TMEM132C: variants seen among roughly 807,000 people sequenced by gnomAD.
TMEM132C encodes the protein protein phosphatase 1, regulatory subunit 152.
In TMEM132C, 29 loss-of-function variants were observed where a neutral mutation model predicts 61.4. The observed-to-expected ratio is 0.47, with a 90% CI of 0.35 to 0.64. The LOEUF (loss-of-function observed/expected upper bound fraction) is 0.64, where lower values mean the gene tolerates loss of function less well. TMEM132C is among the 30% of genes least tolerant of loss of function. The pLI is 0.00. For synonymous variants in TMEM132C, 656 were observed against 633.1 expected (o/e 1.04, Z -0.54); for missense variants, 1,408 against 1,476.9 (o/e 0.95, Z 0.76).
At chr12:128,314,104 G>C (rs1265977163) in intron 1 of TMEM132C, among the ~76,000 whole-genome samples, 1 of 152,098 alleles carries the variant, frequency 6.6e-6, no homozygotes, top group Admixed American at 6.5e-5. Context: ...ATAGCTCTTG[G>C]CACAAAAGCA....
chr12:128,508,298 C>T lies in TMEM132C; in HGVS notation c.975-35659C>T, dbSNP rs181668945. ...GAAACCGCCTCCGTGATTCAGTTAT[C>T]GCCCACTGGGTCTCTCCCACAACAC... On this transcript the variant is annotated intron_variant, in intron 2 of 8. Coordinates refer to ENST00000435159, the MANE Select transcript of TMEM132C (RefSeq NM_001136103.3). Among the ~76,000 whole-genome samples the T allele has an allele frequency of 2.2e-4, 34 of 152,298 alleles. No homozygotes were observed. The East Asian group carries it at 3.1e-3, about 14-fold the overall frequency.
chr12:128,363,716 A>T (rs1007129075), intron 1 of TMEM132C, among the ~76,000 whole-genome samples: 17 of 152,150 alleles, frequency 1.1e-4, no homozygotes, highest in South Asian at 2.1e-4. Context: ...GTGGTGGCAC[A>T]TGCCTGTAGT....
At chr12:128,566,944 T>C (rs1351915961) in intron 3 of TMEM132C, among the ~76,000 whole-genome samples, 2 of 152,240 alleles carry the variant, frequency 1.3e-5, no homozygotes, top group East Asian at 3.8e-4. Context: ...CTGGGAAACA[T>C]GAAGCATTAT....
intron 1 of TMEM132C, among the ~76,000 whole-genome samples, chr12:128,271,998 T>A (rs1240697628): frequency 6.6e-6 from 1 of 152,242 alleles, no homozygotes; most frequent in Non-Finnish European, 1.5e-5. Flanking sequence ...CGATAGAACA[T>A]TTTTACAGCC....
At chr12:128,533,925 C>T (rs1366149010) in intron 2 of TMEM132C, among the ~76,000 whole-genome samples, 1 of 150,084 alleles carries the variant, frequency 6.7e-6, no homozygotes, top group African/African-American at 2.5e-5. Flanking sequence ...TACACACACA[C>T]ATGCTCCTCA....
intron 1 of TMEM132C, among the ~76,000 whole-genome samples, chr12:128,358,975 A>G (rs1873607857): frequency 6.6e-6 from 1 of 152,184 alleles, no homozygotes; most frequent in African/African-American, 2.4e-5. Context: ...GCCAGAGGCC[A>G]TGCTAGACAC....
chr12:128,350,359 G>A (rs1873300283), intron 1 of TMEM132C, among the ~76,000 whole-genome samples: 1 of 152,086 alleles, frequency 6.6e-6, no homozygotes. Flanking sequence ...AGGGCTAGGG[G>A]GCAAAGCAAT....
intron 2 of TMEM132C, among the ~76,000 whole-genome samples, chr12:128,479,420 G>A (rs1871253935): frequency 6.6e-6 from 1 of 152,244 alleles, no homozygotes; most frequent in Non-Finnish European, 1.5e-5. Context: ...GGTCTGGCAA[G>A]TCAGCTGCTT....
chr12:128,357,692 C>CAA lies in TMEM132C; in HGVS notation c.86-57023_86-57022dup, dbSNP rs751246246. Among the ~76,000 whole-genome samples, 210 of 71,246 alleles carry CAA rather than the reference C, an allele frequency of 2.9e-3. 2 individuals carry two copies. In the East Asian group the frequency reaches 0.064, roughly 22 times the overall value. The allele number at this position is 71,246 out of a possible 152,430, so 46.7% of individuals were successfully genotyped here. Reference sequence around the variant, plus strand: ...CCTGGGCAACAGTGAGACTCCGTCTCAAAAAAAAAAAAAAAAAAGAAAAAG... The same window carrying CAA: ...CCTGGGCAACAGTGAGACTCCGTCTCAAAAAAAAAAAAAAAAAAAAGAAAAAG... On this transcript the variant is annotated intron_variant, in intron 1 of 8. Coordinates refer to ENST00000435159, the MANE Select transcript of TMEM132C (RefSeq NM_001136103.3).
intron 4 of TMEM132C, among the ~76,000 whole-genome samples, chr12:128,637,630 G>A (rs1954114038): frequency 6.6e-6 from 1 of 152,126 alleles, no homozygotes; most frequent in African/African-American, 2.4e-5. Context: ...CCTGGAACTC[G>A]TGGGCTCCAG....
At chr12:128,349,561 C>T (rs1436328351) in intron 1 of TMEM132C, among the ~76,000 whole-genome samples, 1 of 152,190 alleles carries the variant, frequency 6.6e-6, no homozygotes, top group African/African-American at 2.4e-5. Context: ...TTCATACATA[C>T]ACTCCTTCTA....
intron 2 of TMEM132C, among the ~76,000 whole-genome samples, chr12:128,478,347 A>G (rs984400579): frequency 6.6e-6 from 1 of 152,190 alleles, no homozygotes; most frequent in Admixed American, 6.5e-5. Context: ...CAAAATAATC[A>G]TTGTGGCAAA....
intron 2 of TMEM132C, among the ~76,000 whole-genome samples, chr12:128,495,449 C>G (rs1253565518): frequency 1.3e-5 from 2 of 152,096 alleles, no homozygotes; most frequent in Non-Finnish European, 2.9e-5. Flanking sequence ...TGAAGTCTCT[C>G]ATTATTATTG....
At chr12:128,355,041 A>T (rs1417592645) in intron 1 of TMEM132C, among the ~76,000 whole-genome samples, 2 of 152,236 alleles carry the variant, frequency 1.3e-5, no homozygotes, top group African/African-American at 2.4e-5. Flanking sequence ...GGTTTGGGAA[A>T]ATGTTTTCTT....
intron 3 of TMEM132C, among the ~76,000 whole-genome samples, chr12:128,592,725 C>T (rs1055107275): frequency 6.6e-6 from 1 of 152,214 alleles, no homozygotes; most frequent in African/African-American, 2.4e-5. Flanking sequence ...AGATGGGTGA[C>T]CTCCAGGGAT....
chr12:128,398,943 T>C (rs1271534620), intron 1 of TMEM132C, among the ~76,000 whole-genome samples: 2 of 152,230 alleles, frequency 1.3e-5, no homozygotes, highest in Admixed American at 1.3e-4. Context: ...CTTGGAAAGC[T>C]CAGTTTAAAT....
chr12:128,599,057 G>GT (rs34618766), intron 3 of TMEM132C, among the ~76,000 whole-genome samples: 53,400 of 152,006 alleles, frequency 0.35, 10,159 homozygotes, highest in Middle Eastern at 0.43. Flanking sequence ...AAGCCTGGGT[G>GT]TTTTTTGCCC....
At chr12:128,665,540 G>A (rs1278477412) in intron 4 of TMEM132C, among the ~76,000 whole-genome samples, 35 of 129,812 alleles carry the variant, frequency 2.7e-4, no homozygotes, top group African/African-American at 8.9e-4. Flanking sequence ...CACAAATGCA[G>A]GCGCAAAAAT....
At position 128,414,862 on chromosome 12, in the gene TMEM132C, G is replaced by A. The variant is rs1868702545; in HGVS notation, c.216G>A (p.Leu72=). The A allele has an allele frequency of 6.4e-7, 1 of 1,550,892 alleles. No homozygotes were observed. ...TCAAGGAAGCCAACCAGGACCTGCT[G>A]CGGAACTCCAGCCTGCAGGCGAGGG... ...FFLKEANQDL[L]RNSSLQARVE... The change falls in exon 2 of 9, where the codon CTG becomes CTA. Residue 72 remains leucine, a synonymous_variant. Coordinates refer to ENST00000435159, the MANE Select transcript of TMEM132C (RefSeq NM_001136103.3).
Sources: allele counts gnomAD v4.1 joint callset (sites outside exome capture counted in the v4.1 genomes callset), GRCh38; gene constraint gnomAD v4.1.1; transcripts MANE v1.5; gene names NCBI Gene and HGNC (gene_info 2026-07-23, HGNC 2026-07-21).